The following SPMIP9 variants were observed in gnomAD, a reference collection of about 807,000 sequenced individuals.
SPMIP9 encodes the protein protein SPMIP9.
At chr2:88,525,816 CAAG>C in the SPMIP9 span, 126,366 of 737,504 alleles carry the variant, frequency 0.17, 12,714 homozygotes, top group Middle Eastern at 0.31. Context: ...TTTTTTGGTA[CAAG>C]AAGAAGAAGA....
chr2:88,528,867 G>A, the SPMIP9 span, among the ~76,000 whole-genome samples: 1 of 152,210 alleles, frequency 6.6e-6, no homozygotes, highest in South Asian at 2.1e-4. Flanking sequence ...AGAGACTTAC[G>A]TTTCACTATA....
chr2:88,529,018 C>T, the SPMIP9 span: 1 of 1,583,500 alleles, frequency 6.3e-7, no homozygotes, highest in Non-Finnish European at 8.6e-7. Context: ...TTGTCTCTCT[C>T]ACCCCTCCAT....
chr2:88,527,384 C>T, the SPMIP9 span, among the ~76,000 whole-genome samples: 9 of 152,178 alleles, frequency 5.9e-5, no homozygotes, highest in Non-Finnish European at 1.0e-4. Flanking sequence ...TTTTCAGCTG[C>T]GTGGAAGGCT....
the SPMIP9 span, chr2:88,529,060 G>C: frequency 6.2e-7 from 1 of 1,610,998 alleles, no homozygotes; most frequent in Non-Finnish European, 8.5e-7. Context: ...AGCAGGCAAA[G>C]CTCGATGCTC....
the SPMIP9 span, among the ~76,000 whole-genome samples, chr2:88,527,932 C>T: frequency 6.6e-6 from 1 of 152,046 alleles, no homozygotes. Flanking sequence ...TTAATTTTTG[C>T]CAGTTTGGTG....
chr2:88,529,076 C>A, the SPMIP9 span: 1 of 1,613,046 alleles, frequency 6.2e-7, no homozygotes, highest in Non-Finnish European at 8.5e-7. Context: ...TGCTCAACTC[C>A]GGGACAAAGA....
chr2:88,529,274 G>A, the SPMIP9 span: 5 of 1,614,094 alleles, frequency 3.1e-6, no homozygotes, highest in Non-Finnish European at 3.4e-6. Flanking sequence ...AGCTTCCCAC[G>A]ATCTGCACCT....
the SPMIP9 span, chr2:88,525,737 G>C: frequency 6.5e-7 from 1 of 1,526,824 alleles, no homozygotes; most frequent in Non-Finnish European, 9.1e-7. Context: ...CAAGGCCCTG[G>C]AAGGGCCAGG....
At chr2:88,529,472 T>G in the SPMIP9 span, 95 of 1,609,298 alleles carry the variant, frequency 5.9e-5, no homozygotes, top group South Asian at 9.8e-4. Flanking sequence ...ATTTTACCAG[T>G]AGGAAGGATG....
the SPMIP9 span, chr2:88,526,561 A>C: frequency 2.4e-6 from 3 of 1,263,084 alleles, no homozygotes; most frequent in Non-Finnish European, 3.5e-6. Flanking sequence ...CTGTTGCTTC[A>C]TTTGTATTAC....
At chr2:88,526,490 C>T in the SPMIP9 span, 174 of 1,613,600 alleles carry the variant, frequency 1.1e-4, no homozygotes, top group Non-Finnish European at 1.3e-4. Flanking sequence ...AGGGTCACGC[C>T]GCAAGAGGTA....
chr2:88,526,422 C>T, the SPMIP9 span: 1 of 1,613,758 alleles, frequency 6.2e-7, no homozygotes. Flanking sequence ...TGGATTTAGA[C>T]ATATACCAAA....
the SPMIP9 span, chr2:88,526,579 G>T: frequency 2.8e-6 from 3 of 1,085,734 alleles, no homozygotes; most frequent in Non-Finnish European, 4.2e-6. Flanking sequence ...TACAAATGTG[G>T]ACATTTGGGC....
the SPMIP9 span, chr2:88,526,341 T>C: frequency 3.0e-6 from 4 of 1,318,674 alleles, no homozygotes; most frequent in Non-Finnish European, 4.4e-6. Context: ...AAGAAGCCAT[T>C]GAATGGCTTT....
At chr2:88,526,505 G>GGC in the SPMIP9 span, 4 of 1,608,714 alleles carry the variant, frequency 2.5e-6, no homozygotes, top group Non-Finnish European at 2.6e-6. Context: ...GAGGTAGGAA[G>GGC]GCACGCAAGT....
At chr2:88,528,291 C>T in the SPMIP9 span, among the ~76,000 whole-genome samples, 4 of 152,042 alleles carry the variant, frequency 2.6e-5, no homozygotes, top group Admixed American at 6.5e-5. Flanking sequence ...GCATGCACCA[C>T]GACACCCAGC....
the SPMIP9 span, chr2:88,526,601 C>A: frequency 4.9e-6 from 4 of 817,928 alleles, no homozygotes; most frequent in Admixed American, 4.0e-5. Flanking sequence ...CTTGTTAGAA[C>A]AATATCCAAT....
the SPMIP9 span, among the ~76,000 whole-genome samples, chr2:88,525,825 G>C: frequency 6.7e-6 from 1 of 149,548 alleles, no homozygotes. Context: ...ACAAGAAGAA[G>C]AAGAGAACTG....
At chr2:88,527,323 G>A in the SPMIP9 span, among the ~76,000 whole-genome samples, 4 of 152,004 alleles carry the variant, frequency 2.6e-5, no homozygotes, top group Admixed American at 2.6e-4. Flanking sequence ...GCGAAATCCC[G>A]TCTCTATAAA....
Sources: allele counts gnomAD v4.1 joint callset (sites outside exome capture counted in the v4.1 genomes callset), GRCh38; gene constraint gnomAD v4.1.1; transcripts MANE v1.5; gene names NCBI Gene and HGNC (gene_info 2026-07-23, HGNC 2026-07-21).